The following NSUN3 variants were observed in gnomAD, a reference collection of about 807,000 sequenced individuals.
NSUN3 encodes the protein NOP2/Sun RNA methyltransferase 3.
A neutral mutation model predicts 36.8 loss-of-function variants in NSUN3; 24 were observed. The observed-to-expected ratio is 0.65, with a 90% CI of 0.47 to 0.92. The LOEUF (loss-of-function observed/expected upper bound fraction) is 0.92. Ranked by LOEUF, NSUN3 falls within the 40% of genes least tolerant of loss-of-function variation. The pLI, the probability that NSUN3 is intolerant of heterozygous loss-of-function variation, is 0.00. For missense variants in NSUN3, 381 were observed against 392.8 expected, an observed-to-expected ratio of 0.97 and a Z score of 0.25; for synonymous variants, 146 against 145.2, an observed-to-expected ratio of 1.01 and a Z score of -0.04.
chr3:94,096,068 A>G (rs950850722), intron 5 of NSUN3, among the ~76,000 whole-genome samples: 7 of 151,962 alleles, frequency 4.6e-5, no homozygotes, highest in African/African-American at 1.7e-4. Flanking sequence ...CACTAAAGCA[A>G]AATTATCTAT....
intron 5 of NSUN3, among the ~76,000 whole-genome samples, chr3:94,125,976 C>T (rs1040529353): frequency 6.6e-6 from 1 of 151,928 alleles, no homozygotes; most frequent in African/African-American, 2.4e-5. Context: ...AGGAGAATTA[C>T]TTGAACCTGG....
intron 3 of NSUN3, among the ~76,000 whole-genome samples, chr3:94,093,214 T>A (rs1206149914): frequency 6.6e-6 from 1 of 151,840 alleles, no homozygotes; most frequent in East Asian, 1.9e-4. Context: ...TTTTTTTTTT[T>A]ACTTTTTAAC....
intron 2 of NSUN3, chr3:94,076,657 G>A: frequency 2.8e-6 from 3 of 1,076,110 alleles, no homozygotes; most frequent in Non-Finnish European, 4.3e-6. Context: ...GATGTCCATG[G>A]AGACGCAAGT....
At chr3:94,112,712 A>C (rs1162130485) in intron 5 of NSUN3, among the ~76,000 whole-genome samples, 2 of 152,234 alleles carry the variant, frequency 1.3e-5, no homozygotes, top group Non-Finnish European at 2.9e-5. Flanking sequence ...GGTTATTACA[A>C]GGCAGTTTAG....
At chr3:94,113,512 T>A (rs992442066) in intron 5 of NSUN3, among the ~76,000 whole-genome samples, 2 of 151,828 alleles carry the variant, frequency 1.3e-5, no homozygotes, top group African/African-American at 4.8e-5. Context: ...TTAAGGGATA[T>A]GAAAAAGAGG....
chr3:94,084,521 A>T, intron 3 of NSUN3, 71 bp downstream of exon 3: 1 of 1,178,852 alleles, frequency 8.5e-7, no homozygotes, highest in Non-Finnish European at 1.2e-6. Context: ...CTGAAAGTAT[A>T]TATGGGGAGA....
chr3:94,124,821 T>G (rs1038218999), intron 5 of NSUN3, among the ~76,000 whole-genome samples: 1 of 152,168 alleles, frequency 6.6e-6, no homozygotes, highest in Non-Finnish European at 1.5e-5. Context: ...GAAAGATTTT[T>G]TTGTTGTTGT....
At chr3:94,068,392 G>A (rs534697867) in intron 2 of NSUN3, among the ~76,000 whole-genome samples, 72 of 152,104 alleles carry the variant, frequency 4.7e-4, no homozygotes, top group African/African-American at 1.5e-3. Context: ...AGGTTTTATC[G>A]TCATAATTTA....
intron 3 of NSUN3, among the ~76,000 whole-genome samples, chr3:94,092,763 T>C (rs2077320847): frequency 6.6e-6 from 1 of 150,608 alleles, no homozygotes; most frequent in South Asian, 2.1e-4. Flanking sequence ...AATTTAAAAA[T>C]ACAAAAATTA....
chr3:94,100,349 C>T (rs2077359802), intron 5 of NSUN3, among the ~76,000 whole-genome samples: 2 of 152,104 alleles, frequency 1.3e-5, no homozygotes, highest in Non-Finnish European at 2.9e-5. Flanking sequence ...GACAGTAGGG[C>T]ATTATGTTAA....
At chr3:94,095,373 T>G (rs1362954195) in intron 5 of NSUN3, among the ~76,000 whole-genome samples, 1 of 152,220 alleles carries the variant, frequency 6.6e-6, no homozygotes, top group Non-Finnish European at 1.5e-5. Flanking sequence ...GTAGTATTGC[T>G]GTGCATTGTC....
At chr3:94,107,850 T>C (rs940259623) in intron 5 of NSUN3, among the ~76,000 whole-genome samples, 4 of 152,206 alleles carry the variant, frequency 2.6e-5, no homozygotes, top group African/African-American at 9.6e-5. Flanking sequence ...AATTGCTAAG[T>C]AGCTGCCCTC....
intron 2 of NSUN3, among the ~76,000 whole-genome samples, chr3:94,080,482 G>A (rs1053806569): frequency 1.3e-5 from 2 of 152,206 alleles, no homozygotes; most frequent in East Asian, 1.9e-4. Context: ...AGGCAGGGAC[G>A]TTTAAGTCGG....
intron 5 of NSUN3, among the ~76,000 whole-genome samples, chr3:94,121,777 A>C (rs1456784525): frequency 6.6e-6 from 1 of 152,220 alleles, no homozygotes; most frequent in Non-Finnish European, 1.5e-5. Context: ...GATACCATAA[A>C]ATTTTAGTTA....
intron 3 of NSUN3, among the ~76,000 whole-genome samples, chr3:94,092,168 T>C (rs2077317863): frequency 6.6e-6 from 1 of 152,166 alleles, no homozygotes; most frequent in Non-Finnish European, 1.5e-5. Context: ...TTGTGGACTT[T>C]AACCAATGAG....
chr3:94,078,489 C>T (rs1005773838), intron 2 of NSUN3, among the ~76,000 whole-genome samples: 4 of 152,112 alleles, frequency 2.6e-5, no homozygotes, highest in Non-Finnish European at 5.9e-5. Flanking sequence ...TCCTGAATAT[C>T]CTTGTTAATT....
intron 2 of NSUN3, among the ~76,000 whole-genome samples, chr3:94,068,697 A>G (rs545075079): frequency 8.5e-5 from 13 of 152,268 alleles, no homozygotes; most frequent in African/African-American, 3.1e-4. Context: ...CAAACAGACC[A>G]TATAAGTCTG....
chr3:94,123,752 G>C (rs1439499169), intron 5 of NSUN3, among the ~76,000 whole-genome samples: 2 of 151,884 alleles, frequency 1.3e-5, no homozygotes, highest in Non-Finnish European at 2.9e-5. Context: ...TATTCCTTTG[G>C]TATGGAATGC....
intron 2 of NSUN3, chr3:94,077,094 G>A (rs574920632): frequency 3.8e-6 from 3 of 779,416 alleles, no homozygotes; most frequent in Non-Finnish European, 7.1e-6. Context: ...GAAAAGGGGT[G>A]TTCTTTTTCC....
Sources: allele counts gnomAD v4.1 joint callset (sites outside exome capture counted in the v4.1 genomes callset), GRCh38; gene constraint gnomAD v4.1.1; transcripts MANE v1.5; gene names NCBI Gene and HGNC (gene_info 2026-07-23, HGNC 2026-07-21).